Variants in TENM1 observed in about 807,000 individuals in gnomAD.
TENM1 encodes teneurin transmembrane protein 1.
TENM1 carries 35 observed loss-of-function variants against 174.8 expected under a neutral mutation model. That is an observed-to-expected ratio of 0.20 (90% CI 0.15 to 0.27). The LOEUF (loss-of-function observed/expected upper bound fraction) is 0.27, where lower values mean the gene tolerates loss of function less well. TENM1 is among the 10% of genes least tolerant of loss of function. The pLI is 1.00. For missense variants in TENM1, 1,633 were observed against 2,130.1 expected, an observed-to-expected ratio of 0.77 and a Z score of 4.59; for synonymous variants, 781 against 798.7, an observed-to-expected ratio of 0.98 and a Z score of 0.37.
chrX:124,735,304 T>G (rs1239710527), intron 4 of TENM1, among the ~76,000 whole-genome samples: 1 of 112,065 alleles, frequency 8.9e-6, no homozygotes, highest in East Asian at 2.8e-4. Context: ...TGAACAGACA[T>G]TTCTCAAAAG....
chrX:124,860,035 A>G (rs1369991641), intron 3 of TENM1, among the ~76,000 whole-genome samples: 3 of 112,135 alleles, frequency 2.7e-5, no homozygotes, highest in Non-Finnish European at 5.6e-5. Context: ...CTTTAACTGA[A>G]TAAGAGAGAG....
intron 3 of TENM1, among the ~76,000 whole-genome samples, chrX:124,836,775 C>T (rs1038752377): frequency 2.7e-5 from 3 of 112,553 alleles, no homozygotes; most frequent in Admixed American, 9.4e-5. Context: ...AACGAAATTA[C>T]CTGCTTAAGA....
intron 5 of TENM1, among the ~76,000 whole-genome samples, chrX:124,690,613 G>A (rs2052495598): frequency 9.1e-6 from 1 of 109,466 alleles, no homozygotes; most frequent in Admixed American, 9.8e-5. Context: ...GTTGAAGGTG[G>A]GGCCTAATGG....
At chrX:124,643,452 G>A (rs929039624) in intron 10 of TENM1, among the ~76,000 whole-genome samples, 9 of 111,592 alleles carry the variant, frequency 8.1e-5, no homozygotes, top group African/African-American at 2.9e-4. Flanking sequence ...GGCTCCAGTT[G>A]ATTGCCACCA....
intron 3 of TENM1, among the ~76,000 whole-genome samples, chrX:124,852,964 C>T (rs976348069): frequency 3.6e-5 from 4 of 111,520 alleles, no homozygotes; most frequent in East Asian, 2.8e-4. Flanking sequence ...ATAATCTCAA[C>T]GATGATCTTT....
intron 1 of TENM1, among the ~76,000 whole-genome samples, chrX:124,953,343 T>C (rs900433404): frequency 8.9e-6 from 1 of 112,016 alleles, no homozygotes; most frequent in African/African-American, 3.2e-5. Context: ...ATCTACTGAA[T>C]CAAATCCATG....
the TENM1 span, among the ~76,000 whole-genome samples, chrX:125,041,430 G>A: frequency 6.3e-5 from 7 of 111,116 alleles, no homozygotes; most frequent in Non-Finnish European, 9.5e-5. Context: ...AACCAGTAAC[G>A]AGCAGAGGTG....
At chrX:125,124,274 TA>T in the TENM1 span, among the ~76,000 whole-genome samples, 4 of 112,434 alleles carry the variant, frequency 3.6e-5, no homozygotes, top group East Asian at 5.5e-4. Flanking sequence ...ACAATTAGTG[TA>T]AAAAATACAC....
intron 3 of TENM1, among the ~76,000 whole-genome samples, chrX:124,877,860 G>T (rs2057234530): frequency 9.0e-6 from 1 of 111,404 alleles, no homozygotes; most frequent in African/African-American, 3.3e-5. Flanking sequence ...CACATATTTT[G>T]TATGTTATAT....
At chrX:125,046,137 T>A in the TENM1 span, among the ~76,000 whole-genome samples, 2 of 111,829 alleles carry the variant, frequency 1.8e-5, no homozygotes, top group Non-Finnish European at 3.8e-5. Flanking sequence ...AATAACCAAA[T>A]CTGTTCACTT....
chrX:125,193,973 G>A, the TENM1 span, among the ~76,000 whole-genome samples: 3 of 110,158 alleles, frequency 2.7e-5, no homozygotes, highest in Non-Finnish European at 5.7e-5. Flanking sequence ...AAAAAGAGAT[G>A]GGGTCTCACT....
chrX:124,764,486 G>C (rs1216189019), intron 3 of TENM1, among the ~76,000 whole-genome samples: 2 of 110,786 alleles, frequency 1.8e-5, no homozygotes, highest in Non-Finnish European at 3.8e-5. Context: ...GTTTGGGCTT[G>C]TCTGTCTTGT....
chrX:124,784,014 C>G (rs1240412819), intron 3 of TENM1, among the ~76,000 whole-genome samples: 2 of 112,429 alleles, frequency 1.8e-5, no homozygotes, highest in Non-Finnish European at 3.8e-5. Flanking sequence ...AGCTGCAGCT[C>G]AAGAAACAGA....
chrX:125,131,135 T>A, the TENM1 span, among the ~76,000 whole-genome samples: 1 of 112,341 alleles, frequency 8.9e-6, no homozygotes, highest in Non-Finnish European at 1.9e-5. Flanking sequence ...AAATTGTTAT[T>A]ATTTAAAGAA....
the TENM1 span, among the ~76,000 whole-genome samples, chrX:125,155,029 G>A: frequency 2.3e-4 from 26 of 111,633 alleles, no homozygotes; most frequent in African/African-American, 7.5e-4. Flanking sequence ...TGCTGGCTCG[G>A]GCAGCCTGCT....
intron 27 of TENM1, among the ~76,000 whole-genome samples, chrX:124,393,120 A>G (rs779276634): frequency 1.8e-5 from 2 of 111,648 alleles, no homozygotes; most frequent in East Asian, 5.6e-4. Flanking sequence ...ACCTTGTAGC[A>G]GTCCCAGAGT....
At chrX:124,581,604 G>A (rs775331031) in intron 11 of TENM1, among the ~76,000 whole-genome samples, 2 of 112,254 alleles carry the variant, frequency 1.8e-5, no homozygotes, top group Non-Finnish European at 3.8e-5. Context: ...ACTTCTTTAA[G>A]AAATCTCCAA....
Position 124,720,280 on chromosome X carries a change from T to C in TENM1, c.777-15029A>G, listed in dbSNP as rs140581095. On this transcript the variant is annotated intron_variant, in intron 4 of 31. Transcript: ENST00000422452. ...GACCTTAAGTCTGATAAGAAACATA[T>C]ACAGTCTATTTTCTCTAAAGCAGGC... Among the ~76,000 whole-genome samples the C allele has an allele frequency of 9.8e-5, 11 of 111,877 alleles. No individual in the cohort carries two copies. The East Asian group carries it at 2.5e-3, about 26-fold the overall frequency.
intron 23 of TENM1, among the ~76,000 whole-genome samples, chrX:124,425,371 G>C (rs779581949): frequency 2.7e-5 from 3 of 111,863 alleles, no homozygotes; most frequent in African/African-American, 9.7e-5. Flanking sequence ...ATTCCAACTG[G>C]GGTGAGATGA....
Sources: gnomAD v4.1 joint callset for allele counts (sites outside exome capture counted in the v4.1 genomes callset) on GRCh38, gnomAD v4.1.1 for gene constraint, MANE v1.5 for transcripts, NCBI Gene and HGNC (gene_info 2026-07-23, HGNC 2026-07-21) for gene names.